MACROD2: variants seen among roughly 807,000 people sequenced by gnomAD.
MACROD2 encodes mono-ADP ribosylhydrolase 2.
A neutral mutation model predicts 70.4 loss-of-function variants in MACROD2; 36 were observed. That is an observed-to-expected ratio of 0.51 (90% confidence interval 0.39 to 0.68). The LOEUF (loss-of-function observed/expected upper bound fraction) is 0.68, where lower values mean the gene tolerates loss of function less well. MACROD2 is among the 30% of genes least tolerant of loss of function. The pLI, the probability that MACROD2 is intolerant of heterozygous loss-of-function variation, is 0.00. For missense variants in MACROD2, 496 were observed against 538.4 expected (o/e 0.92, Z 0.78); for synonymous variants, 172 against 178.8 (o/e 0.96, Z 0.30).
At chr20:14,519,665 C>T (rs2123172058) in intron 4 of MACROD2, among the ~76,000 whole-genome samples, 1 of 152,214 alleles carries the variant, frequency 6.6e-6, no homozygotes, top group East Asian at 1.9e-4. Flanking sequence ...GGCGATTCCT[C>T]AAAGAGCTAA....
chr20:15,952,037 G>A (rs112147638), intron 12 of MACROD2, among the ~76,000 whole-genome samples: 3 of 152,100 alleles, frequency 2.0e-5, no homozygotes, highest in East Asian at 1.9e-4. Context: ...CTGTTCTGGC[G>A]ATAGTGAGTA....
At chr20:14,692,584 A>G (rs2071077019) in intron 5 of MACROD2, among the ~76,000 whole-genome samples, 1 of 152,154 alleles carries the variant, frequency 6.6e-6, no homozygotes, top group Admixed American at 6.5e-5. Context: ...CATTGTTTTT[A>G]TCTCCTCTTG....
chr20:15,334,590 T>TAAAAA (rs73619844), intron 6 of MACROD2, among the ~76,000 whole-genome samples: 72 of 150,358 alleles, frequency 4.8e-4, no homozygotes, highest in South Asian at 1.3e-3. Context: ...TGATTTTTTT[T>TAAAAA]AAAAAAAAAC....
intron 6 of MACROD2, among the ~76,000 whole-genome samples, chr20:15,237,443 G>A (rs1461691443): frequency 6.6e-6 from 1 of 152,116 alleles, no homozygotes; most frequent in Non-Finnish European, 1.5e-5. Flanking sequence ...TTTACATGTT[G>A]AAAATAGAAT....
intron 8 of MACROD2, among the ~76,000 whole-genome samples, chr20:15,608,248 ACT>A (rs758451921): frequency 1.3e-5 from 2 of 151,832 alleles, no homozygotes; most frequent in Non-Finnish European, 2.9e-5. Flanking sequence ...TCAAACGTGC[ACT>A]CTCTCCCTGT....
At chr20:14,642,507 T>C (rs971096221) in intron 4 of MACROD2, among the ~76,000 whole-genome samples, 6 of 152,158 alleles carry the variant, frequency 3.9e-5, no homozygotes, top group African/African-American at 1.4e-4. Flanking sequence ...CTCACTAGGC[T>C]TAATTATTTC....
chr20:15,251,125 A>G (rs896259041), intron 6 of MACROD2, among the ~76,000 whole-genome samples: 2 of 152,140 alleles, frequency 1.3e-5, no homozygotes, highest in East Asian at 3.9e-4. Flanking sequence ...ATTGGGAATC[A>G]TTTTAGGTTT....
At chr20:14,044,466 A>T (rs992539547) in intron 2 of MACROD2, among the ~76,000 whole-genome samples, 4 of 152,036 alleles carry the variant, frequency 2.6e-5, no homozygotes, top group Admixed American at 6.6e-5. Context: ...TTATTCTCTT[A>T]TTTGGCCCCA....
chr20:14,046,669 T>C (rs928194845), intron 2 of MACROD2, among the ~76,000 whole-genome samples: 1 of 152,124 alleles, frequency 6.6e-6, no homozygotes, highest in African/African-American at 2.4e-5. Flanking sequence ...CTGTACGTCA[T>C]CACTTTGTTC....
chr20:14,531,086 G>A (rs781148379), intron 4 of MACROD2, among the ~76,000 whole-genome samples: 19 of 152,154 alleles, frequency 1.2e-4, no homozygotes, highest in Non-Finnish European at 2.5e-4. Flanking sequence ...TCCATTTGTG[G>A]TTTGGGGACA....
intron 3 of MACROD2, among the ~76,000 whole-genome samples, chr20:14,288,527 C>T (rs981609431): frequency 2.6e-5 from 4 of 152,212 alleles, no homozygotes; most frequent in Admixed American, 2.0e-4. Flanking sequence ...TATCCTGGTC[C>T]TGCCCAAGTG....
At chr20:15,437,059 T>G (rs1049000428) in intron 7 of MACROD2, among the ~76,000 whole-genome samples, 1 of 152,176 alleles carries the variant, frequency 6.6e-6, no homozygotes, top group Non-Finnish European at 1.5e-5. Context: ...ACTAGTGCTT[T>G]CAAAATGTGT....
chr20:15,174,281 C>T (rs2076443532), intron 5 of MACROD2, among the ~76,000 whole-genome samples: 1 of 152,016 alleles, frequency 6.6e-6, no homozygotes, highest in Non-Finnish European at 1.5e-5. Flanking sequence ...TTACTTGTGG[C>T]CTTTATTATT....
At chr20:15,730,096 G>A (rs1205539044) in intron 8 of MACROD2, among the ~76,000 whole-genome samples, 1 of 152,034 alleles carries the variant, frequency 6.6e-6, no homozygotes, top group Non-Finnish European at 1.5e-5. Context: ...CCAAAGTGTT[G>A]GGATTACAGG....
At chr20:15,036,834 C>T (rs1440715777) in intron 5 of MACROD2, among the ~76,000 whole-genome samples, 1 of 151,504 alleles carries the variant, frequency 6.6e-6, no homozygotes, top group Non-Finnish European at 1.5e-5. Context: ...CATCAAAAAC[C>T]CAAAGCGTCT....
intron 4 of MACROD2, among the ~76,000 whole-genome samples, chr20:14,655,715 G>T (rs1487451399): frequency 1.3e-5 from 2 of 152,084 alleles, no homozygotes; most frequent in African/African-American, 4.8e-5. Flanking sequence ...TGTAAATGTA[G>T]CTATATTGTT....
chr20:14,213,611 G>A (rs572962394), intron 3 of MACROD2, among the ~76,000 whole-genome samples: 1 of 152,050 alleles, frequency 6.6e-6, no homozygotes, highest in African/African-American at 2.4e-5. Flanking sequence ...CAATAGTGAT[G>A]ATGGAATGAT....
chr20:15,620,984 T>C (rs189882995), intron 8 of MACROD2, among the ~76,000 whole-genome samples: 1 of 152,212 alleles, frequency 6.6e-6, no homozygotes, highest in Admixed American at 6.5e-5. Flanking sequence ...AAAAAAAGTT[T>C]TGTGGACTCC....
intron 8 of MACROD2, among the ~76,000 whole-genome samples, chr20:15,546,809 T>A (rs1471675509): frequency 6.6e-6 from 1 of 152,188 alleles, no homozygotes; most frequent in Admixed American, 6.6e-5. Context: ...ACGTGACGCT[T>A]GACATCTGAT....
Sources: allele counts gnomAD v4.1 joint callset (sites outside exome capture counted in the v4.1 genomes callset), GRCh38; gene constraint gnomAD v4.1.1; transcripts MANE v1.5; gene names NCBI Gene and HGNC (gene_info 2026-07-23, HGNC 2026-07-21).